Variants in IL1RL1 observed in about 807,000 individuals in gnomAD.
IL1RL1 encodes interleukin 1 receptor like 1, also known as interleukin-1 receptor-like 1.
A neutral mutation model predicts 50.9 loss-of-function variants in IL1RL1; 32 were observed. The ratio of observed to expected loss-of-function variants is 0.63; its 90% CI spans 0.47 to 0.84. The LOEUF (loss-of-function observed/expected upper bound fraction) is 0.84, where lower values mean the gene tolerates loss of function less well. Ranked by LOEUF, IL1RL1 falls within the 40% of genes least tolerant of loss-of-function variation. The pLI is 0.00. For missense variants in IL1RL1, 773 were observed against 662.9 expected (o/e 1.17, Z -1.82); for synonymous variants, 275 against 236.0 (o/e 1.17, Z -1.51).
chr2:102,324,158 T>C (rs565616884), intron 1 of IL1RL1, among the ~76,000 whole-genome samples: 1 of 152,288 alleles, frequency 6.6e-6, no homozygotes, highest in South Asian at 2.1e-4. Context: ...AGTCTTTTTG[T>C]GTGCATAAGT....
At chr2:102,341,051 C>A in intron 5 of IL1RL1, 1 of 660,790 alleles carries the variant, frequency 1.5e-6, no homozygotes, top group Non-Finnish European at 2.2e-6. Context: ...AATTCAAAGC[C>A]ACATCTGTTC....
Position 102,349,020 on chromosome 2 carries a change from A to T in IL1RL1, c.1118-59A>T, listed in dbSNP as rs893941829. 3.1e-6 allele frequency: 4 copies of T among 1,305,134 alleles called. No homozygotes were observed. The African/African-American group carries it at 5.8e-5, about 19-fold the overall frequency. 80.8% of individuals were successfully genotyped at this position (1,305,134 alleles called of 1,614,324 possible). A position where few individuals can be genotyped will look rare whatever the true frequency, so the allele number is the denominator to read the frequency against. On this transcript the variant is annotated intron_variant, in intron 9 of 10. Transcript: ENST00000233954. ...AACTTGGAGAGGAATGTCTTCAAAG[A>T]GTCCAGTGAGAATTTTTAGAATCAA...
In IL1RL1 at chr2:102,340,767, T is replaced by C. The variant is rs765717243; in HGVS notation, c.549T>C (p.Phe183=). 6 of 1,592,178 alleles carry C rather than the reference T, an allele frequency of 3.8e-6. No homozygotes were observed. The highest frequency in any genetic ancestry group is 5.1e-6 in the Non-Finnish European group (6 of 1,173,686). The stretch of plus-strand genomic sequence containing the variant: ...ACGCAGGTGATTACACCTGTAAATT[T>C]ATACACAATGAAAATGGAGCCAATT... The part of the protein sequence containing the change: ...TEDAGDYTCK[F]IHNENGANYS... Residue 183 remains phenylalanine, a synonymous_variant, in exon 5 of 11, where the codon TTT becomes TTC. Transcript: ENST00000233954.
Position 102,351,678 on chromosome 2 carries a change from G to A in IL1RL1, c.1428G>A (p.Lys476=), listed in dbSNP as rs1677940234. ...GTGCCCTCATCCAGAACGACGCCAA[G>A]GTGATACTTATTGAGATGGAGGCTC... ...LHCALIQNDA[K]VILIEMEALS... is the part of the protein sequence containing the mutation. The change falls in exon 11 of 11, where the codon AAG becomes AAA. Residue 476 remains lysine (K), a synonymous_variant. Transcript: ENST00000233954. The A allele has an allele frequency of 6.2e-7, 1 of 1,614,124 alleles. No individual in the cohort carries two copies. The highest frequency in any genetic ancestry group is 1.7e-4 in the Middle Eastern group (1 of 6,060).
At position 102,330,330 on chromosome 2, in the gene IL1RL1, C is replaced by T. The variant is rs1373699065; in HGVS notation, c.-149-7786C>T. On this transcript the variant is annotated intron_variant, in intron 1 of 10. Transcript: ENST00000233954. ...ACAGGAAGGGGAACATCACACACCACGGCCTGTTGTGGGGTGGGGGGAGGG... is the reference window on the plus strand; with the variant it reads ...ACAGGAAGGGGAACATCACACACCATGGCCTGTTGTGGGGTGGGGGGAGGG... 7.7e-5 allele frequency among the ~76,000 whole-genome samples: 11 copies of T among 142,982 alleles called. 1 individual carries two copies. The South Asian group carries it at 2.3e-3, about 30-fold the overall frequency. 93.8% of individuals were successfully genotyped at this position (142,982 alleles called of 152,430 possible).
chr2:102,340,970 A>T, intron 5 of IL1RL1, 142 bp downstream of exon 5: 1 of 730,120 alleles, frequency 1.4e-6, no homozygotes, highest in Non-Finnish European at 2.1e-6. Context: ...TACATTCTGA[A>T]CTATGACGCA....
intron 1 of IL1RL1, among the ~76,000 whole-genome samples, chr2:102,333,566 C>T (rs1284930694): frequency 6.6e-6 from 1 of 152,016 alleles, no homozygotes; most frequent in African/African-American, 2.4e-5. Flanking sequence ...CCACTTGTTC[C>T]TTGAATATAT....
chr2:102,332,416 G>A (rs1293963479), intron 1 of IL1RL1, among the ~76,000 whole-genome samples: 1 of 152,134 alleles, frequency 6.6e-6, no homozygotes, highest in Non-Finnish European at 1.5e-5. Context: ...TGCCCATTAA[G>A]GGATGAATGG....
chr2:102,320,561 G>C (rs893784838), intron 1 of IL1RL1, among the ~76,000 whole-genome samples: 1 of 152,052 alleles, frequency 6.6e-6, no homozygotes, highest in African/African-American at 2.4e-5. Context: ...CCAGTTTTAT[G>C]TCTAATGAGG....
intron 1 of IL1RL1, among the ~76,000 whole-genome samples, chr2:102,317,103 C>T (rs1676695455): frequency 6.6e-6 from 1 of 152,148 alleles, no homozygotes; most frequent in South Asian, 2.1e-4. Flanking sequence ...GCCTGTAATT[C>T]CAGCACTTTG....
chr2:102,342,800 T>C (rs12999517), intron 6 of IL1RL1, among the ~76,000 whole-genome samples: 20,267 of 152,016 alleles, frequency 0.13, 1,593 homozygotes, highest in Middle Eastern at 0.32. Flanking sequence ...TAGTTTCCCA[T>C]GCAGATGAGA....
At chr2:102,331,343 C>T (rs373129433) in intron 1 of IL1RL1, among the ~76,000 whole-genome samples, 11 of 152,248 alleles carry the variant, frequency 7.2e-5, no homozygotes, top group South Asian at 6.2e-4. Flanking sequence ...AAATAAAGGA[C>T]GACAAATGCA....
At chr2:102,326,848 A>G (rs1677016626) in intron 1 of IL1RL1, among the ~76,000 whole-genome samples, 1 of 151,948 alleles carries the variant, frequency 6.6e-6, no homozygotes, top group East Asian at 1.9e-4. Context: ...ACCCAGATTC[A>G]TAAAGCAAGT....
chr2:102,314,244 T>G (rs1676607554), intron 1 of IL1RL1, among the ~76,000 whole-genome samples: 1 of 152,174 alleles, frequency 6.6e-6, no homozygotes, highest in South Asian at 2.1e-4. Flanking sequence ...CTTATGATGA[T>G]AGTGCTGTGA....
chr2:102,334,911 G>GT (rs772440192), intron 1 of IL1RL1, among the ~76,000 whole-genome samples: 13 of 151,786 alleles, frequency 8.6e-5, no homozygotes, highest in Non-Finnish European at 1.5e-4. Context: ...TTTGTTTTTT[G>GT]TTTTTTTAAT....
intron 1 of IL1RL1, among the ~76,000 whole-genome samples, chr2:102,330,842 G>A (rs1242005946): frequency 6.6e-6 from 1 of 152,098 alleles, no homozygotes; most frequent in African/African-American, 2.4e-5. Flanking sequence ...TTCATGATTA[G>A]TGATTTTTGT....
chr2:102,330,217 A>G (rs56192435), intron 1 of IL1RL1, among the ~76,000 whole-genome samples: 33,814 of 152,082 alleles, frequency 0.22, 4,496 homozygotes, highest in East Asian at 0.4. Context: ...GGAAACCATC[A>G]TTCTCAGCAA....
At chr2:102,342,094 A>G (rs950716980) in intron 5 of IL1RL1, 129 bp from the exon 6 acceptor site, 17 of 501,904 alleles carry the variant, frequency 3.4e-5, no homozygotes, top group Non-Finnish European at 5.2e-5. Flanking sequence ...TGTGTTTGTC[A>G]TTATGGGTTA....
intron 1 of IL1RL1, among the ~76,000 whole-genome samples, chr2:102,314,256 G>A (rs1450630591): frequency 2.0e-5 from 3 of 152,210 alleles, no homozygotes; most frequent in African/African-American, 7.2e-5. Context: ...GTGCTGTGAA[G>A]TAGGGATGAA....
Sources: gnomAD v4.1 joint callset for allele counts (sites outside exome capture counted in the v4.1 genomes callset) on GRCh38, gnomAD v4.1.1 for gene constraint, MANE v1.5 for transcripts, NCBI Gene and HGNC (gene_info 2026-07-23, HGNC 2026-07-21) for gene names.